GXYLT2: variants seen among roughly 807,000 people sequenced by gnomAD.
GXYLT2 encodes glycosyltransferase 8 domain containing 4.
Under a neutral mutation model 45.8 loss-of-function variants are expected in GXYLT2, and 53 were observed. The ratio of observed to expected loss-of-function variants is 1.16; its 90% confidence interval spans 0.93 to 1.46. The LOEUF is 1.46. GXYLT2 is among the 40% of genes most tolerant of loss of function. The pLI is 0.00. For missense variants in GXYLT2, 551 were observed against 544.4 expected, an observed-to-expected ratio of 1.01 and a Z score of -0.12; for synonymous variants, 219 against 214.2, an observed-to-expected ratio of 1.02 and a Z score of -0.19.
intron 5 of GXYLT2, among the ~76,000 whole-genome samples, chr3:72,965,427 A>T (rs1013811713): frequency 6.6e-6 from 1 of 152,034 alleles, no homozygotes; most frequent in Non-Finnish European, 1.5e-5. Context: ...GGTGTTACTG[A>T]TTTGCTGTAA....
chr3:72,951,123 C>G (rs1710515365), intron 3 of GXYLT2, among the ~76,000 whole-genome samples: 2 of 152,172 alleles, frequency 1.3e-5, no homozygotes, highest in Admixed American at 1.3e-4. Flanking sequence ...CAATGATCCT[C>G]TTCAAATTAA....
chr3:72,917,240 CA>C (rs1179714503), intron 2 of GXYLT2, among the ~76,000 whole-genome samples: 3 of 152,086 alleles, frequency 2.0e-5, no homozygotes, highest in Non-Finnish European at 4.4e-5. Flanking sequence ...GCCCGTGAAC[CA>C]TGTGAATTTC....
intron 3 of GXYLT2, among the ~76,000 whole-genome samples, chr3:72,928,669 C>T (rs1709963083): frequency 6.6e-6 from 1 of 151,248 alleles, no homozygotes; most frequent in South Asian, 2.1e-4. Flanking sequence ...GCAGGTAAAA[C>T]GTGCCCTCCT....
chr3:72,888,542 G>C (rs905096888), intron 1 of GXYLT2, 34 bp downstream of exon 1: 2 of 1,189,062 alleles, frequency 1.7e-6, no homozygotes, highest in East Asian at 7.4e-5. Context: ...CCCATCTGCG[G>C]ACCCGTGTCT....
intron 1 of GXYLT2, among the ~76,000 whole-genome samples, chr3:72,889,035 C>G (rs1402516136): frequency 6.6e-6 from 1 of 152,112 alleles, no homozygotes; most frequent in African/African-American, 2.4e-5. Flanking sequence ...AGGACTGATG[C>G]GTGGCACAGA....
intron 5 of GXYLT2, among the ~76,000 whole-genome samples, chr3:72,960,070 C>T (rs190627810): frequency 5.9e-5 from 9 of 152,260 alleles, no homozygotes; most frequent in East Asian, 3.9e-4. Flanking sequence ...CTCAGCCTCC[C>T]GAGCAGCTGG....
intron 1 of GXYLT2, among the ~76,000 whole-genome samples, chr3:72,894,856 G>A (rs985137812): frequency 6.6e-6 from 1 of 152,192 alleles, no homozygotes; most frequent in Non-Finnish European, 1.5e-5. Flanking sequence ...CCACTGGGCT[G>A]TGCAGTCATC....
intron 3 of GXYLT2, among the ~76,000 whole-genome samples, chr3:72,939,462 A>G (rs1266972912): frequency 6.6e-6 from 1 of 152,056 alleles, no homozygotes; most frequent in African/African-American, 2.4e-5. Flanking sequence ...AACAAAACAG[A>G]AAAGGAAGCA....
intron 3 of GXYLT2, among the ~76,000 whole-genome samples, chr3:72,932,906 T>C (rs138518933): frequency 6.6e-6 from 1 of 152,186 alleles, no homozygotes; most frequent in Admixed American, 6.5e-5. Context: ...GCAGCCCAAA[T>C]ACATTTAAAT....
At chr3:72,960,702 C>A (rs963479000) in intron 5 of GXYLT2, among the ~76,000 whole-genome samples, 20 of 151,954 alleles carry the variant, frequency 1.3e-4, no homozygotes, top group African/African-American at 4.6e-4. Flanking sequence ...AACATGGGAT[C>A]TTTGAACTGA....
chr3:72,974,765 G>C (rs908299341), intron 6 of GXYLT2, among the ~76,000 whole-genome samples: 3 of 152,058 alleles, frequency 2.0e-5, no homozygotes, highest in African/African-American at 7.2e-5. Context: ...TTTTAAAGAG[G>C]TAAAGAAACT....
chr3:72,949,780 T>C (rs1313981200), intron 3 of GXYLT2, among the ~76,000 whole-genome samples: 1 of 152,064 alleles, frequency 6.6e-6, no homozygotes, highest in Non-Finnish European at 1.5e-5. Context: ...CCCAAAGTGC[T>C]GGGACTACAG....
chr3:72,909,393 TTGTC>T (rs908151281), intron 2 of GXYLT2, among the ~76,000 whole-genome samples: 21 of 152,146 alleles, frequency 1.4e-4, no homozygotes, highest in African/African-American at 4.6e-4. Context: ...CCATATATAG[TTGTC>T]TGTCTATGTT....
At chr3:72,965,098 G>A (rs1710839105) in intron 5 of GXYLT2, among the ~76,000 whole-genome samples, 2 of 152,198 alleles carry the variant, frequency 1.3e-5, no homozygotes, top group African/African-American at 4.8e-5. Context: ...GACTATGTAT[G>A]TGCAAATGTT....
At chr3:72,931,740 A>C (rs1439349795) in intron 3 of GXYLT2, among the ~76,000 whole-genome samples, 1 of 151,972 alleles carries the variant, frequency 6.6e-6, no homozygotes, top group Admixed American at 6.6e-5. Flanking sequence ...AGAAGAGCAA[A>C]CTAAATCCAA....
intron 5 of GXYLT2, among the ~76,000 whole-genome samples, chr3:72,966,635 G>A (rs1043244844): frequency 5.8e-4 from 86 of 147,900 alleles, no homozygotes; most frequent in African/African-American, 1.8e-3. Context: ...TGGTTTGTTC[G>A]TTTTTTTTTG....
chr3:72,912,884 T>C (rs1364185590), intron 2 of GXYLT2, among the ~76,000 whole-genome samples: 1 of 152,198 alleles, frequency 6.6e-6, no homozygotes, highest in Non-Finnish European at 1.5e-5. Flanking sequence ...TTTGGGGTAA[T>C]TTTTTATGAG....
intron 4 of GXYLT2, 67 bp downstream of exon 4, chr3:72,955,416 C>T: frequency 6.6e-7 from 1 of 1,525,636 alleles, no homozygotes; most frequent in South Asian, 1.2e-5. Flanking sequence ...GTGGCACTAC[C>T]AGAGTGTCAA....
intron 2 of GXYLT2, among the ~76,000 whole-genome samples, chr3:72,909,093 G>T (rs1248165461): frequency 2.5e-4 from 27 of 109,208 alleles, no homozygotes; most frequent in African/African-American, 1.0e-3. Context: ...TTTTGAGACA[G>T]CGGCTCACTC....
Sources: gnomAD v4.1 joint callset for allele counts (sites outside exome capture counted in the v4.1 genomes callset) on GRCh38, gnomAD v4.1.1 for gene constraint, MANE v1.5 for transcripts, NCBI Gene and HGNC (gene_info 2026-07-23, HGNC 2026-07-21) for gene names.